COX7B2: variants seen among roughly 807,000 people sequenced by gnomAD.
The protein encoded by COX7B2 is cytochrome c oxidase subunit 7B2.
For synonymous variants in COX7B2, 37 were observed against 32.1 expected (o/e 1.15, Z -0.51); for missense variants, 109 against 95.9 (o/e 1.14, Z -0.57).
intron 1 of COX7B2, among the ~76,000 whole-genome samples, chr4:46,869,514 T>C (rs1196383611): frequency 6.6e-6 from 1 of 152,176 alleles, no homozygotes; most frequent in East Asian, 1.9e-4. Flanking sequence ...ATGTGAACTT[T>C]CCTTTCTATA....
At chr4:46,882,324 T>C (rs1420082591) in intron 1 of COX7B2, among the ~76,000 whole-genome samples, 2 of 152,180 alleles carry the variant, frequency 1.3e-5, no homozygotes, top group African/African-American at 4.8e-5. Context: ...TGGTCCAATG[T>C]TGAGTTCAGG....
At chr4:46,819,192 A>G (rs1347715139) in intron 2 of COX7B2, among the ~76,000 whole-genome samples, 1 of 152,208 alleles carries the variant, frequency 6.6e-6, no homozygotes, top group Non-Finnish European at 1.5e-5. Flanking sequence ...AAAAAAATCT[A>G]TAAAATGAGG....
At chr4:46,851,595 C>T (rs191553832) in intron 1 of COX7B2, among the ~76,000 whole-genome samples, 39 of 152,074 alleles carry the variant, frequency 2.6e-4, no homozygotes, top group Middle Eastern at 6.8e-3. Flanking sequence ...CACTAATGGC[C>T]CTTTTCTGTT....
At chr4:46,823,858 A>G (rs1214467840) in intron 2 of COX7B2, among the ~76,000 whole-genome samples, 2 of 151,892 alleles carry the variant, frequency 1.3e-5, no homozygotes, top group Non-Finnish European at 2.9e-5. Flanking sequence ...CTATAGCAAG[A>G]CTGATCAAAA....
At chr4:46,838,963 T>C (rs1204902939) in intron 2 of COX7B2, among the ~76,000 whole-genome samples, 7 of 152,054 alleles carry the variant, frequency 4.6e-5, no homozygotes, top group African/African-American at 7.2e-5. Context: ...AGGCCCTGTT[T>C]TTGAATCAGG....
intron 1 of COX7B2, among the ~76,000 whole-genome samples, chr4:46,853,018 T>A (rs1250031971): frequency 1.3e-5 from 2 of 152,186 alleles, no homozygotes; most frequent in Admixed American, 6.6e-5. Context: ...CTGTTGGCTG[T>A]GAATTCAATA....
intron 1 of COX7B2, among the ~76,000 whole-genome samples, chr4:46,902,180 C>T (rs1215332071): frequency 6.6e-6 from 1 of 152,134 alleles, no homozygotes; most frequent in Non-Finnish European, 1.5e-5. Flanking sequence ...TCTCTTACCC[C>T]TGTAAAATGG....
intron 2 of COX7B2, among the ~76,000 whole-genome samples, chr4:46,840,070 G>T (rs1259145846): frequency 6.6e-6 from 1 of 151,952 alleles, no homozygotes; most frequent in Non-Finnish European, 1.5e-5. Flanking sequence ...GAAGGCAATT[G>T]CTGGTATTGA....
chr4:46,801,393 G>T (rs1718649720), intron 2 of COX7B2, among the ~76,000 whole-genome samples: 1 of 152,082 alleles, frequency 6.6e-6, no homozygotes, highest in South Asian at 2.1e-4. Flanking sequence ...CAAATACATT[G>T]CAGCTAAGAA....
intron 2 of COX7B2, among the ~76,000 whole-genome samples, chr4:46,772,845 A>G (rs187348366): frequency 2.0e-5 from 3 of 152,168 alleles, no homozygotes; most frequent in Admixed American, 6.5e-5. Flanking sequence ...TAGTAAAGCT[A>G]CCTATTTCCG....
intron 2 of COX7B2, among the ~76,000 whole-genome samples, chr4:46,844,433 C>A (rs1716132757): frequency 6.6e-6 from 1 of 151,860 alleles, no homozygotes; most frequent in African/African-American, 2.4e-5. Flanking sequence ...GCAAAAAAGG[C>A]CCATCACCAT....
chr4:46,788,944 A>G (rs1212545143), intron 2 of COX7B2, among the ~76,000 whole-genome samples: 1 of 152,126 alleles, frequency 6.6e-6, no homozygotes, highest in Admixed American at 6.6e-5. Flanking sequence ...TCTAATAAGC[A>G]CCATGCTCAC....
At chr4:46,849,704 T>C (rs545456856) in intron 1 of COX7B2, among the ~76,000 whole-genome samples, 1 of 152,242 alleles carries the variant, frequency 6.6e-6, no homozygotes, top group African/African-American at 2.4e-5. Context: ...TTTTTTATTA[T>C]ACTTTAAGTT....
intron 2 of COX7B2, among the ~76,000 whole-genome samples, chr4:46,759,798 A>AGTTATAT (rs1716023776): frequency 7.8e-6 from 1 of 127,886 alleles, no homozygotes; most frequent in Admixed American, 8.8e-5. Flanking sequence ...AAGTTATATA[A>AGTTATAT]GTCATATCTT....
intron 2 of COX7B2, among the ~76,000 whole-genome samples, chr4:46,805,869 C>A (rs1180678098): frequency 6.6e-6 from 1 of 152,082 alleles, no homozygotes; most frequent in Non-Finnish European, 1.5e-5. Context: ...TATTTAAAGA[C>A]ATGGGGAAGA....
chr4:46,739,154 G>C (rs922649802), intron 2 of COX7B2, among the ~76,000 whole-genome samples: 1 of 152,014 alleles, frequency 6.6e-6, no homozygotes. Flanking sequence ...CCAAGATTTT[G>C]CACATCTGAA....
At chr4:46,901,601 G>T (rs1720074426) in intron 1 of COX7B2, among the ~76,000 whole-genome samples, 1 of 152,202 alleles carries the variant, frequency 6.6e-6, no homozygotes, top group Non-Finnish European at 1.5e-5. Context: ...ATTTCTAGTT[G>T]TGTCTGTGAG....
chr4:46,873,719 G>T (rs1017291601), intron 1 of COX7B2, among the ~76,000 whole-genome samples: 5 of 151,932 alleles, frequency 3.3e-5, no homozygotes, highest in Admixed American at 3.3e-4. Context: ...TGTGCACAAC[G>T]TGCAGGTTTG....
intron 2 of COX7B2, among the ~76,000 whole-genome samples, chr4:46,780,826 C>T (rs1372501865): frequency 6.6e-6 from 1 of 152,170 alleles, no homozygotes; most frequent in East Asian, 1.9e-4. Flanking sequence ...TTTGGCCTTG[C>T]TCCATACTCA....
Sources: allele counts gnomAD v4.1 joint callset (sites outside exome capture counted in the v4.1 genomes callset), GRCh38; gene constraint gnomAD v4.1.1; transcripts MANE v1.5; gene names NCBI Gene and HGNC (gene_info 2026-07-23, HGNC 2026-07-21).